HSPA12A: variants seen among roughly 807,000 people sequenced by gnomAD.
HSPA12A encodes the protein heat shock 70 kDa protein 12A.
In HSPA12A, 28 loss-of-function variants were observed where a neutral mutation model predicts 69.2. The observed-to-expected ratio is 0.40, with a 90% CI of 0.30 to 0.55. The LOEUF (loss-of-function observed/expected upper bound fraction) is 0.55. Among genes scored for constraint, HSPA12A ranks in the 20% least tolerant of loss-of-function variants. HSPA12A has a pLI of 0.38. For missense variants in HSPA12A, 686 were observed against 900.7 expected (o/e 0.76, Z 3.05); for synonymous variants, 345 against 370.5 (o/e 0.93, Z 0.79).
chr10:116,757,551 G>C (rs1554888893), intron 2 of HSPA12A, among the ~76,000 whole-genome samples: 1 of 152,196 alleles, frequency 6.6e-6, no homozygotes, highest in African/African-American at 2.4e-5. Context: ...CAGGAGGTTG[G>C]ACAAATGCAA....
chr10:116,779,483 C>T (rs1323040967), intron 2 of HSPA12A, among the ~76,000 whole-genome samples: 1 of 152,164 alleles, frequency 6.6e-6, no homozygotes, highest in Non-Finnish European at 1.5e-5. Context: ...GGTGTGGCCA[C>T]GTGACTCTGC....
chr10:116,768,347 G>A (rs1554889995), intron 2 of HSPA12A, among the ~76,000 whole-genome samples: 1 of 152,170 alleles, frequency 6.6e-6, no homozygotes, highest in Non-Finnish European at 1.5e-5. Context: ...AGGGGCTGTG[G>A]GGAGGGGGAA....
intron 1 of HSPA12A, among the ~76,000 whole-genome samples, chr10:116,739,838 AT>A (rs1851425253): frequency 6.6e-6 from 1 of 151,918 alleles, no homozygotes; most frequent in Non-Finnish European, 1.5e-5. Context: ...CAACTACCAC[AT>A]TTTGCCATTC....
At chr10:116,843,225 G>A (rs933507098) in intron 1 of HSPA12A, among the ~76,000 whole-genome samples, 8 of 152,150 alleles carry the variant, frequency 5.3e-5, no homozygotes, top group Admixed American at 1.3e-4. Flanking sequence ...TTGCGCAAAT[G>A]CTAAAGGCTA....
upstream of HSPA12A, chr10:116,742,705 G>A: frequency 9.5e-6 from 6 of 631,632 alleles, no homozygotes; most frequent in Non-Finnish European, 1.2e-5. Context: ...GAAGGCGGGC[G>A]CGGGGAACTG....
At chr10:116,795,552 G>A (rs1242003514) in intron 2 of HSPA12A, among the ~76,000 whole-genome samples, 1 of 150,816 alleles carries the variant, frequency 6.6e-6, no homozygotes, top group Non-Finnish European at 1.5e-5. Context: ...CAGGCGTGGT[G>A]GAACGTGCCT....
chr10:116,803,376 A>C (rs1424570198), intron 2 of HSPA12A, among the ~76,000 whole-genome samples: 1 of 152,176 alleles, frequency 6.6e-6, no homozygotes, highest in Non-Finnish European at 1.5e-5. Flanking sequence ...GGCTGGCAAG[A>C]GACACTGTGG....
At chr10:116,778,247 T>C (rs1844384779) in intron 2 of HSPA12A, among the ~76,000 whole-genome samples, 1 of 152,214 alleles carries the variant, frequency 6.6e-6, no homozygotes, top group African/African-American at 2.4e-5. Flanking sequence ...TTTTTGCTGA[T>C]TGCTAGTAGG....
intron 5 of HSPA12A, among the ~76,000 whole-genome samples, 194 bp from the exon 6 acceptor site, chr10:116,692,661 T>C (rs1849770225): frequency 6.6e-6 from 1 of 152,210 alleles, no homozygotes; most frequent in South Asian, 2.1e-4. Context: ...CTCTAGCCCC[T>C]TTCCCTCACT....
intron 2 of HSPA12A, among the ~76,000 whole-genome samples, chr10:116,816,084 G>A (rs1310010689): frequency 6.6e-6 from 1 of 152,178 alleles, no homozygotes; most frequent in Non-Finnish European, 1.5e-5. Flanking sequence ...AGGAAACTGA[G>A]GCTTGGAGAA....
At chr10:116,754,172 G>A (rs1262228911) in intron 2 of HSPA12A, among the ~76,000 whole-genome samples, 3 of 152,198 alleles carry the variant, frequency 2.0e-5, no homozygotes, top group African/African-American at 7.2e-5. Flanking sequence ...TGTGGTGGGA[G>A]GGAGGAGAAG....
At chr10:116,844,962 T>C (rs910863798) in intron 1 of HSPA12A, among the ~76,000 whole-genome samples, 4 of 152,234 alleles carry the variant, frequency 2.6e-5, no homozygotes, top group Non-Finnish European at 5.9e-5. Flanking sequence ...ACTTCCTCTA[T>C]GAAGGGTCTT....
rs570213817 is a variant in HSPA12A, at chr10:116,809,845, C to G, written c.91+25090G>C. ...TAACTGCAGCTTCCTCTTGGGTATA[C>G]AGAACTGGCAGAGCACTGGAAAAGG... On this transcript the variant is annotated intron_variant, in intron 2 of 12. Transcript: ENST00000635765. 9.8e-5 allele frequency among the ~76,000 whole-genome samples: 15 copies of G among 152,312 alleles called. No individual in the cohort carries two copies. In the South Asian group the frequency reaches 2.9e-3, roughly 29 times the overall value.
chr10:116,675,269 T>C lies in HSPA12A; in HGVS notation c.1540A>G (p.Ile514Val), dbSNP rs200435778. 7.1e-5 allele frequency: 115 copies of C among 1,613,642 alleles called. 1 individual carries two copies. The African/African-American group carries it at 1.2e-3, about 17-fold the overall frequency. Residue 514 changes from isoleucine (I) to valine (V), a missense_variant, in exon 12 of 12, where the codon ATC becomes GTC. Coordinates refer to ENST00000369209, the MANE Select transcript of HSPA12A (RefSeq NM_025015.3). This position sits in a 1 kb window ranked among gnomAD's most constrained non-coding sequence, Gnocchi z 5.2. ...CCAAAGAGGACGGCACCCTTGAGGA[T>C]GGTGAGGCCCACGTCCTGGGGGATG... ...IIIPQDVGLT[I>V]LKGAVLFGLD...
intron 2 of HSPA12A, among the ~76,000 whole-genome samples, chr10:116,774,598 T>C (rs1347565776): frequency 6.6e-6 from 1 of 152,186 alleles, no homozygotes; most frequent in Non-Finnish European, 1.5e-5. Context: ...CAGACGTGGC[T>C]CTGCTAGAGG....
intron 2 of HSPA12A, chr10:116,829,177 A>G (rs904852689): frequency 5.9e-5 from 9 of 152,188 alleles, no homozygotes; most frequent in African/African-American, 2.2e-4. Flanking sequence ...TTCCCATGGT[A>G]GTGAATAAGT....
intron 1 of HSPA12A, among the ~76,000 whole-genome samples, chr10:116,846,907 C>T (rs1325334052): frequency 1.3e-5 from 2 of 152,108 alleles, no homozygotes; most frequent in Admixed American, 6.6e-5. Context: ...TCTCTAAACC[C>T]TTTTTCCTGA....
At chr10:116,836,830 T>G (rs372731472) in intron 1 of HSPA12A, among the ~76,000 whole-genome samples, 1 of 151,996 alleles carries the variant, frequency 6.6e-6, no homozygotes, top group Non-Finnish European at 1.5e-5. Context: ...AAATTACATC[T>G]ATTCGTTCAG....
intron 2 of HSPA12A, chr10:116,828,908 G>T (rs1308412690): frequency 6.6e-6 from 1 of 152,162 alleles, no homozygotes; most frequent in Non-Finnish European, 1.5e-5. Context: ...CCTCAGCTCT[G>T]CGATTTGTAT....
Sources: allele counts gnomAD v4.1 joint callset (sites outside exome capture counted in the v4.1 genomes callset), GRCh38; gene constraint gnomAD v4.1.1; non-coding constraint Gnocchi (gnomAD v3.1); transcripts MANE v1.5; gene names NCBI Gene and HGNC (gene_info 2026-07-23, HGNC 2026-07-21).